SLC9A9: variants seen among roughly 807,000 people sequenced by gnomAD.
SLC9A9 encodes the protein solute carrier family 9 member A9, also known as sodium/hydrogen exchanger 9.
Under a neutral mutation model 77.8 loss-of-function variants are expected in SLC9A9, and 62 were observed. The observed-to-expected ratio is 0.80, with a 90% CI of 0.65 to 0.98. The LOEUF (loss-of-function observed/expected upper bound fraction) is 0.98, where lower values mean the gene tolerates loss of function less well. Among genes scored for constraint, SLC9A9 ranks in the 50% least tolerant of loss-of-function variants. The pLI, the probability that SLC9A9 is intolerant of heterozygous loss-of-function variation, is 0.00. For missense variants in SLC9A9, 775 were observed against 774.9 expected, an observed-to-expected ratio of 1.00 and a Z score of 0.00; for synonymous variants, 320 against 283.5, an observed-to-expected ratio of 1.13 and a Z score of -1.29.
intron 11 of SLC9A9, among the ~76,000 whole-genome samples, chr3:143,478,893 G>C (rs765268484): frequency 6.6e-6 from 1 of 152,200 alleles, no homozygotes; most frequent in Non-Finnish European, 1.5e-5. Flanking sequence ...CTATTTGTTT[G>C]CCTCTGTGGA....
chr3:143,625,637 T>C (rs2038308660), intron 6 of SLC9A9, among the ~76,000 whole-genome samples: 1 of 152,182 alleles, frequency 6.6e-6, no homozygotes, highest in Non-Finnish European at 1.5e-5. Context: ...AAGACTTAAA[T>C]GTTAGACCTA....
At chr3:143,587,929 C>A (rs1312393460) in intron 6 of SLC9A9, among the ~76,000 whole-genome samples, 1 of 152,208 alleles carries the variant, frequency 6.6e-6, no homozygotes, top group African/African-American at 2.4e-5. Context: ...TTAGCAGAAA[C>A]AGCTGCAGTG....
At chr3:143,344,291 C>A (rs537876083) in intron 14 of SLC9A9, among the ~76,000 whole-genome samples, 50 of 152,280 alleles carry the variant, frequency 3.3e-4, no homozygotes, top group African/African-American at 1.2e-3. Context: ...TATCCTGATG[C>A]ATATATCTCT....
chr3:143,815,558 A>G (rs1296763082), intron 2 of SLC9A9, among the ~76,000 whole-genome samples: 1 of 151,828 alleles, frequency 6.6e-6, no homozygotes, highest in Non-Finnish European at 1.5e-5. Context: ...AAAAAAAAAA[A>G]AGGTTTAAAA....
At chr3:143,424,206 A>G (rs2108530043) in intron 12 of SLC9A9, among the ~76,000 whole-genome samples, 2 of 152,194 alleles carry the variant, frequency 1.3e-5, no homozygotes, top group Admixed American at 1.3e-4. Flanking sequence ...TTTGAAAGTG[A>G]TGAAGGATCA....
chr3:143,399,000 CACACACAT>C (rs1299062712), intron 12 of SLC9A9, among the ~76,000 whole-genome samples: 3 of 115,054 alleles, frequency 2.6e-5, no homozygotes, highest in Non-Finnish European at 5.4e-5. Flanking sequence ...TGTATACACA[CACACACAT>C]ACACACACAT....
chr3:143,818,107 T>A (rs2009069313), intron 2 of SLC9A9, among the ~76,000 whole-genome samples: 1 of 152,212 alleles, frequency 6.6e-6, no homozygotes, highest in South Asian at 2.1e-4. Flanking sequence ...ATTATTTTAA[T>A]TATTTCAGAT....
intron 8 of SLC9A9, among the ~76,000 whole-genome samples, chr3:143,561,879 A>G (rs925021828): frequency 1.3e-5 from 2 of 152,236 alleles, no homozygotes; most frequent in Non-Finnish European, 2.9e-5. Context: ...ACTGGGAGAT[A>G]GTACAAGCTT....
intron 4 of SLC9A9, among the ~76,000 whole-genome samples, chr3:143,703,039 T>C (rs914700750): frequency 6.6e-6 from 1 of 150,662 alleles, no homozygotes; most frequent in Non-Finnish European, 1.5e-5. Context: ...TAAATATATT[T>C]ACACCCAACA....
intron 11 of SLC9A9, among the ~76,000 whole-genome samples, chr3:143,482,902 G>C (rs973948934): frequency 1.3e-5 from 2 of 152,194 alleles, no homozygotes. Context: ...CATTAACTAG[G>C]GCTATGCTCA....
intron 9 of SLC9A9, among the ~76,000 whole-genome samples, chr3:143,549,695 CTT>C (rs1220513781): frequency 2.6e-5 from 4 of 152,168 alleles, no homozygotes; most frequent in Non-Finnish European, 5.9e-5. Context: ...CTGATTTTGG[CTT>C]TGTTTCCCCT....
chr3:143,734,313 G>T (rs1213575161), intron 4 of SLC9A9, among the ~76,000 whole-genome samples: 1 of 152,160 alleles, frequency 6.6e-6, no homozygotes, highest in African/African-American at 2.4e-5. Context: ...AAGTTACATG[G>T]CTTATACACC....
intron 6 of SLC9A9, among the ~76,000 whole-genome samples, chr3:143,652,051 G>A (rs915359271): frequency 3.9e-5 from 6 of 152,126 alleles, no homozygotes; most frequent in Non-Finnish European, 8.8e-5. Context: ...GTAGTATCTT[G>A]TAATAAGCTG....
At chr3:143,564,115 T>C (rs1338617445) in intron 8 of SLC9A9, among the ~76,000 whole-genome samples, 1 of 152,184 alleles carries the variant, frequency 6.6e-6, no homozygotes, top group East Asian at 1.9e-4. Flanking sequence ...TAATCCTAAT[T>C]CTCACTTACG....
chr3:143,631,368 G>A (rs533104125), intron 6 of SLC9A9, among the ~76,000 whole-genome samples: 57 of 152,256 alleles, frequency 3.7e-4, no homozygotes, highest in Non-Finnish European at 2.6e-4. Context: ...ACTGAAGTAG[G>A]AACTTGCAGA....
rs573673979 is a variant in SLC9A9, at chr3:143,775,910, G to A, written c.533+19091C>T. 5.3e-5 allele frequency among the ~76,000 whole-genome samples: 8 copies of A among 152,028 alleles called. No homozygotes were observed. The South Asian group carries it at 6.2e-4, about 12-fold the overall frequency. On this transcript the variant is annotated intron_variant, in intron 4 of 15. Coordinates refer to ENST00000316549, the MANE Select transcript of SLC9A9 (RefSeq NM_173653.4). Reference sequence around the variant, plus strand: ...AAATTTAAACTTACAATAACACACCGTGGTGCCTTTAAGCACCGTTAAAAT... The same window carrying A: ...AAATTTAAACTTACAATAACACACCATGGTGCCTTTAAGCACCGTTAAAAT...
intron 4 of SLC9A9, among the ~76,000 whole-genome samples, chr3:143,711,070 A>C (rs535433444): frequency 1.3e-5 from 2 of 152,354 alleles, no homozygotes; most frequent in African/African-American, 4.8e-5. Context: ...GACAAGATAG[A>C]ATGAACAATT....
intron 12 of SLC9A9, among the ~76,000 whole-genome samples, chr3:143,423,352 C>G (rs776510334): frequency 1.3e-5 from 2 of 151,592 alleles, no homozygotes; most frequent in African/African-American, 4.8e-5. Flanking sequence ...CACCTAGCAC[C>G]ATATCTTGGC....
At chr3:143,594,359 T>C (rs1015511444) in intron 6 of SLC9A9, among the ~76,000 whole-genome samples, 1 of 152,252 alleles carries the variant, frequency 6.6e-6, no homozygotes, top group African/African-American at 2.4e-5. Flanking sequence ...CTGCCGTTTA[T>C]TGAGGGCCTC....
Sources: allele counts gnomAD v4.1 joint callset (sites outside exome capture counted in the v4.1 genomes callset), GRCh38; gene constraint gnomAD v4.1.1; transcripts MANE v1.5; gene names NCBI Gene and HGNC (gene_info 2026-07-23, HGNC 2026-07-21).